The following HMX1 variants were observed in gnomAD, a reference collection of about 807,000 sequenced individuals.
The protein encoded by HMX1 is H6 family homeobox 1.
In HMX1, 8 loss-of-function variants were observed where a neutral mutation model predicts 8.9. That is an observed-to-expected ratio of 0.90 (90% CI 0.53 to 1.63). The LOEUF is 1.63. HMX1 is among the 40% of genes most tolerant of loss of function. The probability of loss-of-function intolerance (pLI) is 0.00; values close to 1 mark genes in which losing one functional copy is unlikely to be tolerated. For missense variants in HMX1, 621 were observed against 558.5 expected (o/e 1.11, Z -1.13); for synonymous variants, 311 against 283.4 (o/e 1.10, Z -0.98).
intron 1 of HMX1, among the ~76,000 whole-genome samples, chr4:8,852,862 T>C (rs1053637628): frequency 6.6e-6 from 1 of 152,164 alleles, no homozygotes; most frequent in East Asian, 1.9e-4. Flanking sequence ...CTCTAAAAGC[T>C]GAGAGGAGGC....
chr4:8,860,558 G>C (rs569149522), intron 1 of HMX1: 27 of 152,476 alleles, frequency 1.8e-4, no homozygotes, highest in African/African-American at 6.5e-4. Context: ...GGAGTGGGGA[G>C]GGAAGGGCTC....
Position 8,867,545 on chromosome 4 carries a change from C to G in HMX1, c.*148G>C. The G allele has an allele frequency of 8.4e-7, 1 of 1,188,192 alleles. No homozygotes were observed. Among genetic ancestry groups the G allele is most frequent in the East Asian group, 3.6e-5 (1 of 27,966 alleles). 73.6% of individuals were successfully genotyped at this position (1,188,192 alleles called of 1,614,324 possible). ...GCTCCCCACAGAAGCTGAGGCCCGC[C>G]CGGCCGCGGCCTGCGCTCCCGAGGT... On this transcript the variant is annotated 3_prime_UTR_variant, in exon 2 of 2. Transcript: ENST00000400677.
In HMX1 at chr4:8,871,009, C is replaced by T. The variant is rs1260730899; in HGVS notation, c.394+212G>A. On this transcript the variant is annotated intron_variant, in intron 1 of 1. Coordinates refer to ENST00000400677, the MANE Select transcript of HMX1 (RefSeq NM_018942.3). The surrounding 1 kb of genome is among the most constrained non-coding windows in gnomAD (Gnocchi z 4.8). ...TGGGTGAAGCTATGGCCTGCAAAAC[C>T]TCCTCGTTAGCGGAGCTCCTGCCCC... Among the ~76,000 whole-genome samples, 2 of 152,118 alleles carry T rather than the reference C, an allele frequency of 1.3e-5. No individual in the cohort carries two copies. Among genetic ancestry groups the T allele is most frequent in the Non-Finnish European group, 2.9e-5 (2 of 68,014 alleles).
chr4:8,871,438 C>G lies in HMX1; in HGVS notation c.177G>C (p.Gln59His). The G allele has an allele frequency of 1.5e-6, 2 of 1,327,414 alleles. No individual in the cohort carries two copies. The highest frequency in any genetic ancestry group is 3.2e-5 in the South Asian group (2 of 63,136). 82.2% of individuals were successfully genotyped at this position (1,327,414 alleles called of 1,614,324 possible). A position where few individuals can be genotyped will look rare whatever the true frequency, so the allele number is the denominator to read the frequency against. The change falls in exon 1 of 2, where the codon CAG (glutamine) becomes CAC (histidine). Residue 59 changes from glutamine to histidine, a missense_variant. Physicochemically the swap from Gln to His is conservative, Grantham distance 24 (BLOSUM62 0). Coordinates refer to ENST00000400677, the MANE Select transcript of HMX1 (RefSeq NM_018942.3). The surrounding 1 kb of genome is among the most constrained non-coding windows in gnomAD (Gnocchi z 4.8). ...GCCGCTGTAGCCGTCGCCGCCGCGCCTGCTCGGCGTCCTCGTCTTCGGGGT... is the reference window on the plus strand; with the variant it reads ...GCCGCTGTAGCCGTCGCCGCCGCGCGTGCTCGGCGTCCTCGTCTTCGGGGT... ...DDDPEDEDAE[Q>H]ARRRRLQRRR...
In HMX1 at chr4:8,868,236, C is replaced by A; in HGVS notation, c.504G>T (p.Ala168=). Reference sequence around the variant, plus strand: ...CCGTGCCGGCCGCCGGGCCACGCGCCGCCAGCTCCGCTGCCTCCCGCTGCA... The same window carrying A: ...CCGTGCCGGCCGCCGGGCCACGCGCAGCCAGCTCCGCTGCCTCCCGCTGCA... ...GAVQREAAEL[A]ARGPAAGTEE... is the part of the protein sequence containing the mutation. Residue 168 remains alanine, a synonymous_variant, in exon 2 of 2, where the codon GCG becomes GCT. Transcript: ENST00000400677. This position sits in a 1 kb window ranked among gnomAD's most constrained non-coding sequence, Gnocchi z 4.6. 1 of 1,434,828 alleles carries A rather than the reference C, an allele frequency of 7.0e-7. No homozygotes were observed. Among genetic ancestry groups the A allele is most frequent in the South Asian group, 1.4e-5 (1 of 70,718 alleles). 88.9% of individuals were successfully genotyped at this position (1,434,828 alleles called of 1,614,324 possible).
intron 1 of HMX1, among the ~76,000 whole-genome samples, chr4:8,850,740 G>A (rs530812282): frequency 2.0e-5 from 3 of 152,328 alleles, no homozygotes; most frequent in Admixed American, 6.5e-5. Flanking sequence ...CCTTCCCCGC[G>A]GGTGGGCGTC....
At chr4:8,850,343 T>C (rs1033209089) in intron 1 of HMX1, among the ~76,000 whole-genome samples, 1 of 152,150 alleles carries the variant, frequency 6.6e-6, no homozygotes, top group Non-Finnish European at 1.5e-5. Flanking sequence ...CCCCGACCCC[T>C]TCCGGTGGGG....
chr4:8,864,926 C>T (rs1023532444), downstream of HMX1, among the ~76,000 whole-genome samples: 11 of 152,264 alleles, frequency 7.2e-5, no homozygotes, highest in Non-Finnish European at 1.6e-4. Flanking sequence ...CATCCACTCT[C>T]TCCAAATCTA....
At chr4:8,866,621 G>A (rs181044955), downstream of HMX1, among the ~76,000 whole-genome samples, 7 of 152,366 alleles carry the variant, frequency 4.6e-5, no homozygotes, top group East Asian at 1.4e-3. Flanking sequence ...GCAAGAGCAC[G>A]GTGGCCTGAC....
downstream of HMX1, among the ~76,000 whole-genome samples, chr4:8,865,588 A>G (rs1233378050): frequency 6.6e-6 from 1 of 152,086 alleles, no homozygotes; most frequent in Non-Finnish European, 1.5e-5. Flanking sequence ...AAAGCGACAG[A>G]AGCCCAGAGG....
Position 8,849,019 on chromosome 4 carries a change from G to T in HMX1, c.395-2695C>A, listed in dbSNP as rs779732804. ...CTCTCTGAACAGAGTGCAGCATCGT[G>T]GGGGTGGAGACCCGGCTGAGGGGGG... On this transcript the variant is annotated intron_variant, in intron 1 of 1. Coordinates refer to the HMX1 transcript ENST00000506970. This position sits in a 1 kb window ranked among gnomAD's most constrained non-coding sequence, Gnocchi z 6.6. Among the ~76,000 whole-genome samples, 6 of 152,132 alleles carry T rather than the reference G, an allele frequency of 3.9e-5. No homozygotes were observed. Among genetic ancestry groups the T allele is most frequent in the Non-Finnish European group, 5.9e-5 (4 of 68,040 alleles).
At chr4:8,854,686 T>C (rs4245952) in intron 1 of HMX1, among the ~76,000 whole-genome samples, 76,030 of 152,144 alleles carry the variant, frequency 0.5, 22,558 homozygotes, top group African/African-American at 0.8. Flanking sequence ...ATTGCATATG[T>C]GCTCCCTGTC....
At chr4:8,851,268 G>A (rs1721441683) in intron 1 of HMX1, among the ~76,000 whole-genome samples, 1 of 152,166 alleles carries the variant, frequency 6.6e-6, no homozygotes, top group African/African-American at 2.4e-5. Flanking sequence ...CCTACGAATG[G>A]CCCCCACTCC....
Position 8,871,667 on chromosome 4 carries a change from T to A in HMX1, c.-53A>T. On this transcript the variant is annotated 5_prime_UTR_variant, in exon 1 of 2. Coordinates refer to ENST00000400677, the MANE Select transcript of HMX1 (RefSeq NM_018942.3). The surrounding 1 kb of genome is among the most constrained non-coding windows in gnomAD (Gnocchi z 4.8). ...CGGGCTCCTCGGTCCCCGCTGGGGATGGTGGCGCGCGGCTCCCGGGCGCAC... is the reference window on the plus strand; with the variant it reads ...CGGGCTCCTCGGTCCCCGCTGGGGAAGGTGGCGCGCGGCTCCCGGGCGCAC... The A allele has an allele frequency of 8.6e-7, 1 of 1,161,782 alleles. No individual in the cohort carries two copies. Among genetic ancestry groups the A allele is most frequent in the Non-Finnish European group, 1.1e-6 (1 of 943,948 alleles). The allele number at this position is 1,161,782 out of a possible 1,614,324, so 72.0% of individuals were successfully genotyped here.
In HMX1 at chr4:8,870,808, C is replaced by T. The variant is rs1304909167; in HGVS notation, c.394+413G>A. ...TTTCCTGCATCTTCCCCTCCCCCCACCCCATTCTCTCTCCCGCAGCACATT... is the reference window on the plus strand; with the variant it reads ...TTTCCTGCATCTTCCCCTCCCCCCATCCCATTCTCTCTCCCGCAGCACATT... On this transcript the variant is annotated intron_variant, in intron 1 of 1. Transcript: ENST00000400677. The surrounding 1 kb of genome is among the most constrained non-coding windows in gnomAD (Gnocchi z 4.4). Among the ~76,000 whole-genome samples, 1 of 123,030 alleles carries T rather than the reference C, an allele frequency of 8.1e-6. No homozygotes were observed. Among genetic ancestry groups the T allele is most frequent in the Non-Finnish European group, 1.6e-5 (1 of 61,154 alleles). The allele number at this position is 123,030 out of a possible 152,430, so 80.7% of individuals were successfully genotyped here.
In HMX1 at chr4:8,871,534, G is replaced by C; in HGVS notation, c.81C>G (p.Ala27=). The change falls in exon 1 of 2, where the codon GCC becomes GCG. Residue 27 remains alanine, a synonymous_variant. Transcript: ENST00000400677. This position sits in a 1 kb window ranked among gnomAD's most constrained non-coding sequence, Gnocchi z 4.8. ...SSFLIENLLA[A]EAKGAGRATQ... The stretch of plus-strand genomic sequence containing the variant: ...TCGCGCGCCCTGCGCCCTTGGCCTC[G>C]GCCGCCAGCAGGTTCTCGATGAGGA... 1 of 1,356,042 alleles carries C rather than the reference G, an allele frequency of 7.4e-7. No homozygotes were observed. The highest frequency in any genetic ancestry group is 9.5e-7 in the Non-Finnish European group (1 of 1,052,712). The allele number at this position is 1,356,042 out of a possible 1,614,324, so 84.0% of individuals were successfully genotyped here. A position where few individuals can be genotyped will look rare whatever the true frequency, so the allele number is the denominator to read the frequency against.
chr4:8,861,068 G>A (rs555308838), intron 1 of HMX1, among the ~76,000 whole-genome samples: 2 of 152,178 alleles, frequency 1.3e-5, no homozygotes, highest in African/African-American at 4.8e-5. Flanking sequence ...ACGGTGAAGA[G>A]GCGGGGCCGA....
At chr4:8,855,192 C>G (rs572988662) in intron 1 of HMX1, among the ~76,000 whole-genome samples, 11 of 152,358 alleles carry the variant, frequency 7.2e-5, no homozygotes, top group African/African-American at 2.6e-4. Context: ...CAGGAAGACC[C>G]ACGCTGTTAG....
chr4:8,868,285 G>A lies in HMX1; in HGVS notation c.455C>T (p.Pro152Leu), dbSNP rs1204947604. The A allele has an allele frequency of 5.6e-6, 8 of 1,439,196 alleles. No individual in the cohort carries two copies. The highest frequency in any genetic ancestry group is 1.4e-5 in the South Asian group (1 of 71,072). 89.2% of individuals were successfully genotyped at this position (1,439,196 alleles called of 1,614,324 possible). Residue 152 changes from proline (P) to leucine (L), a missense_variant, in exon 2 of 2, where the codon CCG becomes CTG. Pro to Leu is a moderately conservative substitution (Grantham distance 98, BLOSUM62 -3). Transcript: ENST00000400677. The surrounding 1 kb of genome is among the most constrained non-coding windows in gnomAD (Gnocchi z 4.6). The stretch of plus-strand genomic sequence containing the variant: ...CACCGCTCCCGGCCCGGGGCCTCGC[G>A]GCCAGGCGCCCTCCGCACGGCCCAT... ...EEMGRAEGAW[P>L]RGPGPGAVQR... is the part of the protein sequence containing the mutation.
Sources: gnomAD v4.1 joint callset for allele counts (sites outside exome capture counted in the v4.1 genomes callset) on GRCh38, gnomAD v4.1.1 for gene constraint, Gnocchi (gnomAD v3.1) non-coding constraint, MANE v1.5 for transcripts, NCBI Gene and HGNC (gene_info 2026-07-23, HGNC 2026-07-21) for gene names.